Variants in NDUFA11 observed in about 807,000 individuals in gnomAD.
NDUFA11 encodes the protein NADH:ubiquinone oxidoreductase subunit A11, also known as NADH dehydrogenase [ubiquinone] 1 alpha subcomplex subunit 11.
A neutral mutation model predicts 11.3 loss-of-function variants in NDUFA11; 14 were observed. The ratio of observed to expected loss-of-function variants is 1.24; its 90% CI spans 0.82 to 1.94. NDUFA11 has a LOEUF of 1.94. Ranked by LOEUF, NDUFA11 falls within the 30% of genes most tolerant of loss-of-function variation. The pLI is 0.00. For synonymous variants in NDUFA11, 87 were observed against 85.6 expected (o/e 1.02, Z -0.09); for missense variants, 204 against 200.3 (o/e 1.02, Z -0.11).
chr19:5,894,702 G>T lies in NDUFA11; in HGVS notation c.*40C>A. 6.2e-7 allele frequency: 1 copy of T among 1,603,608 alleles called. No individual in the cohort carries two copies. The highest frequency in any genetic ancestry group is 8.5e-7 in the Non-Finnish European group (1 of 1,175,112). Reference sequence around the variant, plus strand: ...CACACAGACACAGAATTTATTTCTGGACGCATTCTGCAGGCTGGAGGTCCC... The same window carrying T: ...CACACAGACACAGAATTTATTTCTGTACGCATTCTGCAGGCTGGAGGTCCC... On this transcript the variant is annotated 3_prime_UTR_variant, in exon 4 of 4. Coordinates refer to ENST00000308961, the MANE Select transcript of NDUFA11 (RefSeq NM_175614.5).
In NDUFA11 at chr19:5,894,813, C is replaced by T; in HGVS notation, c.355G>A (p.Gly119Ser). The T allele has an allele frequency of 1.2e-6, 2 of 1,613,418 alleles. No individual in the cohort carries two copies. Among genetic ancestry groups the T allele is most frequent in the Non-Finnish European group, 1.7e-6 (2 of 1,179,748 alleles). Residue 119 changes from glycine (G) to serine (S), a missense_variant, in exon 4 of 4, where the codon GGC becomes AGC. Physicochemically the swap from Gly to Ser is moderately conservative, Grantham distance 56. Coordinates refer to ENST00000308961, the MANE Select transcript of NDUFA11 (RefSeq NM_175614.5). ...ATCTTGACCAGGGAGGCCGCTATGC[C>T]AAAGTACACGCAGGCGGCGGCGCCA... ...GIGAAACVYF[G>S]IAASLVKMGR...
chr19:5,893,231 G>A (rs1393605367), downstream of NDUFA11: 1 of 1,531,164 alleles, frequency 6.5e-7, no homozygotes, highest in East Asian at 2.4e-5. The surrounding 1 kb of genome is among the most constrained non-coding windows in gnomAD (Gnocchi z 4.1). Context: ...GCTGAGGTGT[G>A]AGGACTGCTC....
chr19:5,893,286 TGTCTCTA>T (rs2057589017), downstream of NDUFA11: 12 of 1,192,772 alleles, frequency 1.0e-5, no homozygotes, highest in African/African-American at 1.5e-5. The surrounding 1 kb of genome is among the most constrained non-coding windows in gnomAD (Gnocchi z 4.1). Context: ...AGTGAGATCC[TGTCTCTA>T]CAAAAAATAA....
downstream of NDUFA11, chr19:5,893,212 C>T: frequency 6.5e-7 from 1 of 1,534,222 alleles, no homozygotes; most frequent in Non-Finnish European, 8.7e-7. The surrounding 1 kb of genome is among the most constrained non-coding windows in gnomAD (Gnocchi z 4.1). Flanking sequence ...AATCCCAGCA[C>T]TCTGGGAGGC....
Position 5,903,782 on chromosome 19 carries a change from G to A in NDUFA11, c.-74C>T, listed in dbSNP as rs533136847. ...GCAAGGGCAGCCGCGGCTGGCTATC[G>A]CGAGACTTCTCGGGCTGCGCGCGCA... is the stretch of plus-strand genomic sequence containing the variant. On this transcript the variant is annotated 5_prime_UTR_variant, in exon 1 of 4. Transcript: ENST00000308961. 6.8e-7 allele frequency: 1 copy of A among 1,467,012 alleles called. No homozygotes were observed. Among genetic ancestry groups the A allele is most frequent in the South Asian group, 1.2e-5 (1 of 82,330 alleles). 90.9% of individuals were successfully genotyped at this position (1,467,012 alleles called of 1,614,324 possible).
chr19:5,896,035 G>A lies in NDUFA11; in HGVS notation c.313+418C>T. Reference sequence around the variant, plus strand: ...AGACAGGGGGTGACCTTGGTGACCTGTGTCCTCTGACAAGGCACACAGAAG... The same window carrying A: ...AGACAGGGGGTGACCTTGGTGACCTATGTCCTCTGACAAGGCACACAGAAG... On this transcript the variant is annotated intron_variant, in intron 3 of 3. Transcript: ENST00000308961. The surrounding 1 kb of genome is among the most constrained non-coding windows in gnomAD (Gnocchi z 5.8). The A allele has an allele frequency of 5.9e-6, 2 of 341,838 alleles. No individual in the cohort carries two copies. The highest frequency in any genetic ancestry group is 5.4e-6 in the Non-Finnish European group (1 of 186,172). The allele number at this position is 341,838 out of a possible 1,614,324, so 21.2% of individuals were successfully genotyped here.
chr19:5,892,911 AAAGAATC>A (rs1189371133), downstream of NDUFA11: 1 of 1,437,200 alleles, frequency 7.0e-7, no homozygotes, highest in African/African-American at 1.4e-5. Flanking sequence ...CAGAACAAGG[AAAGAATC>A]AAGTTCTGGG....
chr19:5,894,070 C>T (rs533002801), downstream of NDUFA11, among the ~76,000 whole-genome samples: 1 of 152,358 alleles, frequency 6.6e-6, no homozygotes, highest in African/African-American at 2.4e-5. Flanking sequence ...ACCTAAATCA[C>T]TGGCCTGACA....
intron 1 of NDUFA11, among the ~76,000 whole-genome samples, chr19:5,900,459 G>A (rs11882956): frequency 0.02 from 2,974 of 152,172 alleles, 52 homozygotes; most frequent in Middle Eastern, 0.034. Flanking sequence ...TAGTCTCCCC[G>A]CCGTCCAGGG....
rs548450498 is a variant in NDUFA11, at chr19:5,898,176, C to T, written c.98-1179G>A. On this transcript the variant is annotated intron_variant, in intron 1 of 3. Coordinates refer to ENST00000308961, the MANE Select transcript of NDUFA11 (RefSeq NM_175614.5). ...GCAATTCTCCAGAGGTCACCCAGCA[C>T]AGCGAGCCTGGACGCCAGGCAGGTC... Among the ~76,000 whole-genome samples the T allele has an allele frequency of 2.0e-5, 3 of 152,296 alleles. No individual in the cohort carries two copies. The East Asian group carries it at 5.8e-4, about 30-fold the overall frequency.
downstream of NDUFA11, among the ~76,000 whole-genome samples, chr19:5,894,354 A>G (rs1459609837): frequency 6.6e-6 from 1 of 152,168 alleles, no homozygotes; most frequent in Non-Finnish European, 1.5e-5. Flanking sequence ...CAGAGCCCAC[A>G]GCGCTGAGGG....
downstream of NDUFA11, chr19:5,892,574 G>A (rs60236148): frequency 0.12 from 24,552 of 212,354 alleles, 1,484 homozygotes; most frequent in Admixed American, 0.13. Context: ...AGGATGCATG[G>A]GAAGGAAGGG....
At chr19:5,893,489 C>T (rs1290638773), downstream of NDUFA11, among the ~76,000 whole-genome samples, 1 of 152,080 alleles carries the variant, frequency 6.6e-6, no homozygotes, top group Admixed American at 6.6e-5. This position sits in a 1 kb window ranked among gnomAD's most constrained non-coding sequence, Gnocchi z 4.1. Context: ...TTGGTAGAGA[C>T]AGGGTCTCAC....
At chr19:5,901,749 A>C (rs1230131063) in intron 1 of NDUFA11, among the ~76,000 whole-genome samples, 2 of 151,114 alleles carry the variant, frequency 1.3e-5, no homozygotes, top group Non-Finnish European at 2.9e-5. Context: ...GGCTCACTGC[A>C]AGCTCCGCCT....
chr19:5,896,390 C>A lies in NDUFA11; in HGVS notation c.313+63G>T. 1 of 1,436,290 alleles carries A rather than the reference C, an allele frequency of 7.0e-7. No individual in the cohort carries two copies. Among genetic ancestry groups the A allele is most frequent in the Non-Finnish European group, 9.2e-7 (1 of 1,083,420 alleles). 89.0% of individuals were successfully genotyped at this position (1,436,290 alleles called of 1,614,324 possible). A position where few individuals can be genotyped will look rare whatever the true frequency, so the allele number is the denominator to read the frequency against. On this transcript the variant is annotated intron_variant, in intron 3 of 3. Transcript: ENST00000308961. This position sits in a 1 kb window ranked among gnomAD's most constrained non-coding sequence, Gnocchi z 5.8. ...TGGAACAGAGAGGGTGGAGGATGAG[C>A]AGAGGTCAGGGGTCATTCTGCCAGG...
chr19:5,899,294 C>T lies in NDUFA11; in HGVS notation c.98-2297G>A, dbSNP rs376412613. ...CCTCCCGAGTAGCTGGGACTACAGG[C>T]GCCCGCCACCACGCCTGGCTAATTT... On this transcript the variant is annotated intron_variant, in intron 1 of 3. Coordinates refer to ENST00000308961, the MANE Select transcript of NDUFA11 (RefSeq NM_175614.5). Among the ~76,000 whole-genome samples, 25 of 151,486 alleles carry T rather than the reference C, an allele frequency of 1.7e-4. No individual in the cohort carries two copies. The South Asian group carries it at 4.4e-3, about 27-fold the overall frequency.
chr19:5,894,029 G>A (rs762728116), downstream of NDUFA11, among the ~76,000 whole-genome samples: 11 of 152,210 alleles, frequency 7.2e-5, no homozygotes, highest in East Asian at 3.9e-4. Context: ...TCTGGAGAAG[G>A]GGCCCGGGGT....
At chr19:5,894,554 C>T (rs748042746), downstream of NDUFA11, 35 of 1,221,858 alleles carry the variant, frequency 2.9e-5, no homozygotes, top group Admixed American at 4.1e-5. Flanking sequence ...TTGGCAGGGA[C>T]GGCAGGCGGC....
intron 3 of NDUFA11, 191 bp from the exon 4 acceptor site, chr19:5,895,045 C>T (rs969019057): frequency 2.2e-5 from 15 of 684,860 alleles, no homozygotes; most frequent in African/African-American, 1.3e-4. Context: ...AGAGGGAGGC[C>T]GGAGTCCAGG....
Sources: allele counts gnomAD v4.1 joint callset (sites outside exome capture counted in the v4.1 genomes callset), GRCh38; gene constraint gnomAD v4.1.1; non-coding constraint Gnocchi (gnomAD v3.1); transcripts MANE v1.5; gene names NCBI Gene and HGNC (gene_info 2026-07-23, HGNC 2026-07-21).